Variants in CSMD3 observed in about 807,000 individuals in gnomAD.
CSMD3 encodes the protein CUB and sushi domain-containing protein 3.
CSMD3 carries 177 observed loss-of-function variants against 435.2 expected under a neutral mutation model. The ratio of observed to expected loss-of-function variants is 0.41; its 90% confidence interval spans 0.36 to 0.46. CSMD3 has a LOEUF of 0.46. CSMD3 is among the 20% of genes least tolerant of loss of function. The probability of loss-of-function intolerance (pLI) is 0.34; values close to 1 mark genes in which losing one functional copy is unlikely to be tolerated. For missense variants in CSMD3, 4,265 were observed against 4,504.6 expected (o/e 0.95, Z 1.52); for synonymous variants, 1,656 against 1,520.5 (o/e 1.09, Z -2.07).
intron 5 of CSMD3, among the ~76,000 whole-genome samples, chr8:113,083,584 G>A (rs2089646714): frequency 6.6e-6 from 1 of 151,838 alleles, no homozygotes; most frequent in Non-Finnish European, 1.5e-5. Flanking sequence ...CAACTCACTG[G>A]TATAAAAGAT....
At chr8:113,238,754 TAC>T (rs2093178313) in intron 3 of CSMD3, among the ~76,000 whole-genome samples, 1 of 152,106 alleles carries the variant, frequency 6.6e-6, no homozygotes, top group African/African-American at 2.4e-5. Flanking sequence ...GCCCAAGAGG[TAC>T]TAGCACTTTT....
At chr8:112,846,067 CTTAAT>C in intron 11 of CSMD3, among the ~76,000 whole-genome samples, 1 of 151,912 alleles carries the variant, frequency 6.6e-6, no homozygotes, top group South Asian at 2.1e-4. Flanking sequence ...CTTTCTTTTA[CTTAAT>C]TTATTATTTA....
intron 67 of CSMD3, among the ~76,000 whole-genome samples, chr8:112,235,214 T>C (rs532107593): frequency 6.6e-6 from 1 of 151,868 alleles, no homozygotes; most frequent in East Asian, 1.9e-4. Context: ...ACCCCATCTT[T>C]ACAAAAAATA....
intron 24 of CSMD3, among the ~76,000 whole-genome samples, chr8:112,562,688 T>C (rs1383670676): frequency 1.3e-5 from 2 of 151,624 alleles, no homozygotes; most frequent in Non-Finnish European, 3.0e-5. Context: ...TTCATAATAT[T>C]AGGCAGAATA....
chr8:112,233,178 C>A (rs980285489), intron 68 of CSMD3, among the ~76,000 whole-genome samples: 1 of 151,922 alleles, frequency 6.6e-6, no homozygotes, highest in Non-Finnish European at 1.5e-5. Flanking sequence ...AGTGATATAT[C>A]CTGAAGTTTG....
intron 12 of CSMD3, among the ~76,000 whole-genome samples, chr8:112,803,592 C>T (rs561857910): frequency 6.6e-6 from 1 of 152,012 alleles, no homozygotes; most frequent in Non-Finnish European, 1.5e-5. Context: ...GTAGAGTGGT[C>T]TCACTTGCTA....
Position 112,352,507 on chromosome 8 carries a change from G to A in CSMD3, c.6164C>T (p.Pro2055Leu), listed in dbSNP as rs1455564725. The stretch of plus-strand genomic sequence containing the variant: ...TTTAATTCCACTGCTAGGAGTTTGT[G>A]GTTCAGGACAGGAATCCAAACCAAT... ...TAIGLDSCPE[P>L]QTPSSGIKIG... Residue 2055 changes from proline to leucine, a missense_variant, in exon 39 of 71, where the codon CCA becomes CTA. Coordinates refer to ENST00000297405, the MANE Select transcript of CSMD3 (RefSeq NM_198123.2). The A allele has an allele frequency of 6.2e-6, 10 of 1,613,454 alleles. No homozygotes were observed. The highest frequency in any genetic ancestry group is 8.5e-6 in the Non-Finnish European group (10 of 1,179,664).
intron 2 of CSMD3, among the ~76,000 whole-genome samples, chr8:113,292,492 G>A (rs937647323): frequency 6.6e-6 from 1 of 151,780 alleles, no homozygotes; most frequent in African/African-American, 2.4e-5. Flanking sequence ...ATTATGAAGA[G>A]AAAATTGTTT....
chr8:112,273,720 T>A (rs1344061332), intron 59 of CSMD3, among the ~76,000 whole-genome samples: 2 of 86,918 alleles, frequency 2.3e-5, no homozygotes, highest in Non-Finnish European at 4.5e-5. Context: ...AGTGAGACTC[T>A]GTCTCAAAAA....
chr8:112,303,471 T>G (rs1289875248), intron 52 of CSMD3, among the ~76,000 whole-genome samples: 2 of 151,806 alleles, frequency 1.3e-5, no homozygotes, highest in Non-Finnish European at 2.9e-5. Context: ...GACAGAATTG[T>G]TTGAACCTGG....
At chr8:112,991,424 G>A (rs934677954) in intron 6 of CSMD3, among the ~76,000 whole-genome samples, 3 of 151,744 alleles carry the variant, frequency 2.0e-5, no homozygotes, top group Non-Finnish European at 4.4e-5. Flanking sequence ...TGGTCAGCCA[G>A]TATGCATTTT....
At chr8:112,626,636 G>C (rs1260110428) in intron 22 of CSMD3, among the ~76,000 whole-genome samples, 3 of 152,054 alleles carry the variant, frequency 2.0e-5, no homozygotes, top group Non-Finnish European at 4.4e-5. Context: ...TTTAGGTACT[G>C]TCAGTCTATT....
intron 2 of CSMD3, among the ~76,000 whole-genome samples, chr8:113,296,453 G>A (rs1190637117): frequency 1.3e-5 from 2 of 152,002 alleles, no homozygotes; most frequent in African/African-American, 4.8e-5. Flanking sequence ...GAACCCAGGA[G>A]GCAGAGGTTG....
At chr8:112,854,195 A>G (rs1490076227) in intron 11 of CSMD3, among the ~76,000 whole-genome samples, 1 of 152,188 alleles carries the variant, frequency 6.6e-6, no homozygotes, top group Non-Finnish European at 1.5e-5. Flanking sequence ...AATACAGATT[A>G]TATTTTTCTG....
chr8:113,027,333 A>G (rs1490983493), intron 5 of CSMD3, among the ~76,000 whole-genome samples: 3 of 152,108 alleles, frequency 2.0e-5, no homozygotes, highest in Non-Finnish European at 4.4e-5. Context: ...ATTCAAAAAT[A>G]CTCAAAAAAA....
intron 17 of CSMD3, among the ~76,000 whole-genome samples, chr8:112,658,844 A>C (rs2075313441): frequency 6.6e-6 from 1 of 151,912 alleles, no homozygotes; most frequent in Admixed American, 6.6e-5. Flanking sequence ...AATCCTAGCT[A>C]CTCGGGAGGC....
At chr8:112,655,443 T>G (rs1444606295) in intron 18 of CSMD3, among the ~76,000 whole-genome samples, 1 of 152,060 alleles carries the variant, frequency 6.6e-6, no homozygotes, top group Non-Finnish European at 1.5e-5. Context: ...CACACATAAA[T>G]CTTATGCAAT....
At chr8:113,359,539 A>T (rs564020908) in intron 1 of CSMD3, among the ~76,000 whole-genome samples, 47 of 152,316 alleles carry the variant, frequency 3.1e-4, no homozygotes, top group Middle Eastern at 3.4e-3. Flanking sequence ...CTACAGCTTC[A>T]GCTCATGCAA....
At chr8:112,528,928 G>A (rs976974154) in intron 27 of CSMD3, among the ~76,000 whole-genome samples, 1 of 151,986 alleles carries the variant, frequency 6.6e-6, no homozygotes, top group African/African-American at 2.4e-5. Context: ...ATCTCTGATG[G>A]GACCAGCGCA....
Sources: allele counts gnomAD v4.1 joint callset (sites outside exome capture counted in the v4.1 genomes callset), GRCh38; gene constraint gnomAD v4.1.1; transcripts MANE v1.5; gene names NCBI Gene and HGNC (gene_info 2026-07-23, HGNC 2026-07-21).